The following SCD5 variants were observed in gnomAD, a reference collection of about 807,000 sequenced individuals.
SCD5 encodes the protein acyl-CoA-desaturase 4.
SCD5 carries 20 observed loss-of-function variants against 30.4 expected under a neutral mutation model. The observed-to-expected ratio is 0.66, with a 90% confidence interval of 0.46 to 0.96. The LOEUF (loss-of-function observed/expected upper bound fraction) is 0.96, where lower values mean the gene tolerates loss of function less well. Ranked by LOEUF, SCD5 falls within the 40% of genes least tolerant of loss-of-function variation. SCD5 has a pLI of 0.00. For missense variants in SCD5, 381 were observed against 443.3 expected (o/e 0.86, Z 1.26); for synonymous variants, 173 against 176.4 (o/e 0.98, Z 0.16).
intron 2 of SCD5, among the ~76,000 whole-genome samples, chr4:82,699,781 C>T (rs1719776856): frequency 6.6e-6 from 1 of 151,988 alleles, no homozygotes; most frequent in Admixed American, 6.5e-5. Context: ...CCTGCCTCAG[C>T]CTCCCAAGTA....
intron 1 of SCD5, among the ~76,000 whole-genome samples, chr4:82,735,883 A>T (rs1282001983): frequency 2.0e-5 from 3 of 152,240 alleles, no homozygotes; most frequent in Non-Finnish European, 4.4e-5. Flanking sequence ...TGGTTTCATT[A>T]TCCATCGTTT....
chr4:82,784,702 A>C (rs1159426547), intron 1 of SCD5, among the ~76,000 whole-genome samples: 2 of 151,996 alleles, frequency 1.3e-5, no homozygotes, highest in African/African-American at 2.4e-5. Flanking sequence ...GTTTTTTTTT[A>C]AGTTCTCATT....
intron 1 of SCD5, among the ~76,000 whole-genome samples, chr4:82,770,073 T>C (rs1721585215): frequency 6.6e-6 from 1 of 152,192 alleles, no homozygotes; most frequent in Non-Finnish European, 1.5e-5. Flanking sequence ...CTAGGGTACG[T>C]GTGCACAACG....
intron 3 of SCD5, among the ~76,000 whole-genome samples, chr4:82,675,892 ACTG>A (rs1439316006): frequency 6.6e-6 from 1 of 152,240 alleles, no homozygotes; most frequent in Non-Finnish European, 1.5e-5. Context: ...TATGGCAGAG[ACTG>A]CTAATTGTTT....
At chr4:82,704,751 A>G (rs1719933268) in intron 2 of SCD5, among the ~76,000 whole-genome samples, 1 of 152,194 alleles carries the variant, frequency 6.6e-6, no homozygotes, top group African/African-American at 2.4e-5. Context: ...TCGCAGGGCA[A>G]CCTCGGGACT....
chr4:82,654,091 A>AT (rs1727819065), intron 3 of SCD5, among the ~76,000 whole-genome samples: 5 of 151,976 alleles, frequency 3.3e-5, no homozygotes, highest in Non-Finnish European at 5.9e-5. Context: ...TAATTATTGT[A>AT]TTTTTTGTAG....
chr4:82,757,527 C>G (rs140695990), intron 1 of SCD5, among the ~76,000 whole-genome samples: 2 of 152,188 alleles, frequency 1.3e-5, no homozygotes, highest in African/African-American at 4.8e-5. Context: ...AATCCAGAGA[C>G]GGGAATTATA....
In SCD5 at chr4:82,776,690, T is replaced by A. The variant is rs535578210; in HGVS notation, c.232+21616A>T. Among the ~76,000 whole-genome samples the A allele has an allele frequency of 5.9e-5, 9 of 152,324 alleles. No individual in the cohort carries two copies. In the South Asian group the frequency reaches 1.7e-3, roughly 28 times the overall value. On this transcript the variant is annotated intron_variant, in intron 1 of 4. Transcript: ENST00000319540. ...AGAAATGTCCAAGACACCAGAGGCA[T>A]TTCTAGAAACCTGTGGGAGTCTCAC... is the stretch of plus-strand genomic sequence containing the variant.
chr4:82,651,165 A>G (rs2148814747), intron 3 of SCD5, among the ~76,000 whole-genome samples: 2 of 152,330 alleles, frequency 1.3e-5, no homozygotes, highest in East Asian at 3.9e-4. Flanking sequence ...AGAGGGCCTT[A>G]CAGACCCTCT....
At chr4:82,712,316 T>A (rs200501050) in intron 1 of SCD5, among the ~76,000 whole-genome samples, 3 of 63,008 alleles carry the variant, frequency 4.8e-5, no homozygotes, top group South Asian at 5.8e-4. Flanking sequence ...TATTTTATTT[T>A]TTTTTTTTGA....
chr4:82,655,515 CT>C (rs1727851626), intron 3 of SCD5, among the ~76,000 whole-genome samples: 1 of 152,134 alleles, frequency 6.6e-6, no homozygotes, highest in Non-Finnish European at 1.5e-5. Flanking sequence ...CTTTAAGTCG[CT>C]GCTAAAAAGA....
At chr4:82,680,307 GGA>G (rs1728540392) in intron 3 of SCD5, among the ~76,000 whole-genome samples, 1 of 152,166 alleles carries the variant, frequency 6.6e-6, no homozygotes, top group Non-Finnish European at 1.5e-5. Context: ...TAGGATACCT[GGA>G]GAGAGTTCAG....
rs1283327662 is a variant in SCD5, at chr4:82,665,673, C to T, written c.569+15034G>A. On this transcript the variant is annotated intron_variant, in intron 3 of 4. Coordinates refer to ENST00000319540, the MANE Select transcript of SCD5 (RefSeq NM_001037582.3). ...AGCTGAGAATTTATTGCCCATAAAC[C>T]TGTGTTACAAGAAATATAAAGGAAG... 4.6e-5 allele frequency among the ~76,000 whole-genome samples: 7 copies of T among 151,932 alleles called. No homozygotes were observed. The East Asian group carries it at 1.3e-3, about 29-fold the overall frequency.
chr4:82,663,999 G>A (rs1728105372), intron 3 of SCD5, among the ~76,000 whole-genome samples: 1 of 152,134 alleles, frequency 6.6e-6, no homozygotes, highest in Non-Finnish European at 1.5e-5. Flanking sequence ...TACTGGACCA[G>A]AACAATGAAG....
chr4:82,661,819 G>T (rs1442763020), intron 3 of SCD5, among the ~76,000 whole-genome samples: 1 of 152,214 alleles, frequency 6.6e-6, no homozygotes, highest in Non-Finnish European at 1.5e-5. Flanking sequence ...AGCGCAGAGA[G>T]CTGAAGAGAG....
chr4:82,730,400 A>ACC (rs1449378228), intron 1 of SCD5, among the ~76,000 whole-genome samples: 2 of 148,890 alleles, frequency 1.3e-5, no homozygotes, highest in East Asian at 2.0e-4. Context: ...GGGTTCAAGC[A>ACC]ATTCTCCTGC....
intron 1 of SCD5, among the ~76,000 whole-genome samples, chr4:82,754,399 G>A (rs1721181880): frequency 6.6e-6 from 1 of 151,550 alleles, no homozygotes; most frequent in Admixed American, 6.6e-5. Flanking sequence ...GCAGAGAGAG[G>A]GAGGAGAAGT....
chr4:82,676,562 T>G (rs1728440716), intron 3 of SCD5, among the ~76,000 whole-genome samples: 1 of 152,200 alleles, frequency 6.6e-6, no homozygotes, highest in South Asian at 2.1e-4. Context: ...CTCTATGTAT[T>G]TCCTGTTGGG....
At chr4:82,638,373 A>G (rs111910015) in intron 3 of SCD5, among the ~76,000 whole-genome samples, 4 of 152,250 alleles carry the variant, frequency 2.6e-5, no homozygotes, top group African/African-American at 7.2e-5. Flanking sequence ...ATGGATGGGC[A>G]AATGGGCTCA....
Sources: gnomAD v4.1 joint callset for allele counts (sites outside exome capture counted in the v4.1 genomes callset) on GRCh38, gnomAD v4.1.1 for gene constraint, MANE v1.5 for transcripts, NCBI Gene and HGNC (gene_info 2026-07-23, HGNC 2026-07-21) for gene names.